Variants in MEP1A observed in about 807,000 individuals in gnomAD.
MEP1A encodes the protein meprin A subunit alpha, also known as N-benzoyl-L-tyrosyl-P-amino-benzoic acid hydrolase subunit alpha.
Under a neutral mutation model 84.5 loss-of-function variants are expected in MEP1A, and 68 were observed. The observed-to-expected ratio is 0.80, with a 90% CI of 0.66 to 0.98. MEP1A has a LOEUF of 0.98. MEP1A is among the 50% of genes least tolerant of loss of function. The pLI, the probability that MEP1A is intolerant of heterozygous loss-of-function variation, is 0.00. For synonymous variants in MEP1A, 337 were observed against 336.8 expected (o/e 1.00, Z -0.01); for missense variants, 887 against 919.9 (o/e 0.96, Z 0.46).
At chr6:46,824,997 T>A (rs1397566011) in intron 7 of MEP1A, among the ~76,000 whole-genome samples, 1 of 75,610 alleles carries the variant, frequency 1.3e-5, no homozygotes, top group Non-Finnish European at 3.3e-5. Context: ...TTTAAATAGA[T>A]CTATTTAAGT....
At chr6:46,835,847 G>A (rs1366007164) in intron 13 of MEP1A, among the ~76,000 whole-genome samples, 1 of 152,154 alleles carries the variant, frequency 6.6e-6, no homozygotes, top group Non-Finnish European at 1.5e-5. Flanking sequence ...CACCCAAGAT[G>A]GCTTCTAGCC....
downstream of MEP1A, among the ~76,000 whole-genome samples, chr6:46,841,919 C>T (rs1045606676): frequency 6.6e-6 from 1 of 152,166 alleles, no homozygotes; most frequent in Non-Finnish European, 1.5e-5. Flanking sequence ...ATGGAGGGAC[C>T]AGCTGGAGCC....
chr6:46,835,108 A>C, intron 12 of MEP1A, 141 bp from the exon 13 acceptor site: 1 of 717,552 alleles, frequency 1.4e-6, no homozygotes. Flanking sequence ...TGTGGGAATC[A>C]GCTGGATTCA....
At chr6:46,802,190 A>G (rs1767210038) in intron 5 of MEP1A, among the ~76,000 whole-genome samples, 1 of 151,928 alleles carries the variant, frequency 6.6e-6, no homozygotes, top group Non-Finnish European at 1.5e-5. Flanking sequence ...TCTTAAAAAT[A>G]TTGAGTCCTA....
intron 7 of MEP1A, among the ~76,000 whole-genome samples, chr6:46,820,676 C>T (rs1209934233): frequency 6.6e-6 from 1 of 152,132 alleles, no homozygotes; most frequent in East Asian, 1.9e-4. Flanking sequence ...GCATGAGCCA[C>T]CACCGTGTCC....
intron 5 of MEP1A, among the ~76,000 whole-genome samples, chr6:46,800,738 G>C (rs1767182003): frequency 6.6e-6 from 1 of 152,048 alleles, no homozygotes; most frequent in African/African-American, 2.4e-5. Context: ...TAAGGCTTTT[G>C]ACAAACACAT....
chr6:46,825,151 T>TA, intron 7 of MEP1A, 121 bp from the exon 8 acceptor site: 1 of 264,798 alleles, frequency 3.8e-6, no homozygotes, highest in Non-Finnish European at 7.0e-6. Context: ...TAAATCTATT[T>TA]AATATATATA....
intron 10 of MEP1A, among the ~76,000 whole-genome samples, chr6:46,829,921 G>A (rs543279783): frequency 3.0e-4 from 45 of 152,218 alleles, no homozygotes; most frequent in Non-Finnish European, 5.3e-4. Context: ...AGATAAGAAG[G>A]TAAAAGACCT....
chr6:46,819,941 C>T (rs1349253317), intron 7 of MEP1A, among the ~76,000 whole-genome samples: 3 of 152,144 alleles, frequency 2.0e-5, no homozygotes, highest in South Asian at 4.2e-4. Context: ...GAAAGTTAAC[C>T]AGAAGCTTTG....
chr6:46,845,229 C>A, the MEP1A span, among the ~76,000 whole-genome samples: 1 of 152,192 alleles, frequency 6.6e-6, no homozygotes, highest in Non-Finnish European at 1.5e-5. Context: ...TGCATGTGAT[C>A]TTCTGGGAAC....
At chr6:46,795,447 C>A (rs1337769984) in intron 3 of MEP1A, among the ~76,000 whole-genome samples, 1 of 151,970 alleles carries the variant, frequency 6.6e-6, no homozygotes, top group African/African-American at 2.4e-5. Flanking sequence ...ATTATAGGTG[C>A]CCACCACCAT....
chr6:46,813,238 C>G (rs1245092936), intron 6 of MEP1A, among the ~76,000 whole-genome samples: 1 of 152,018 alleles, frequency 6.6e-6, no homozygotes, highest in African/African-American at 2.4e-5. Context: ...GCCTCAAAAC[C>G]ATGCAAATAC....
Position 46,825,556 on chromosome 6 carries a change from G to C in MEP1A, c.778+63G>C, listed in dbSNP as rs1767922436. Reference sequence around the variant, plus strand: ...CTCAGCAGAGATTCCATCAGCCTTAGAGATTTCCTTTACATTTTCCTTTAC... The same window carrying C: ...CTCAGCAGAGATTCCATCAGCCTTACAGATTTCCTTTACATTTTCCTTTAC... On this transcript the variant is annotated intron_variant, in intron 8 of 13. Coordinates refer to ENST00000230588, the MANE Select transcript of MEP1A (RefSeq NM_005588.3). 4.4e-6 allele frequency: 5 copies of C among 1,128,250 alleles called. No homozygotes were observed. In the South Asian group the frequency reaches 6.0e-5, roughly 14 times the overall value. The allele number at this position is 1,128,250 out of a possible 1,614,324, so 69.9% of individuals were successfully genotyped here. A position where few individuals can be genotyped will look rare whatever the true frequency, so the allele number is the denominator to read the frequency against.
chr6:46,796,821 A>G (rs1485804301), intron 3 of MEP1A, among the ~76,000 whole-genome samples: 1 of 152,208 alleles, frequency 6.6e-6, no homozygotes, highest in Non-Finnish European at 1.5e-5. Flanking sequence ...ATCCCATTAT[A>G]ATCCAGGCCA....
chr6:46,845,326 C>A, the MEP1A span, among the ~76,000 whole-genome samples: 14 of 152,170 alleles, frequency 9.2e-5, no homozygotes, highest in Non-Finnish European at 1.5e-4. Flanking sequence ...AGAGTGAGAG[C>A]TGCCAAATGG....
At chr6:46,799,242 G>A in intron 5 of MEP1A, 61 bp downstream of exon 5, 1 of 1,138,184 alleles carries the variant, frequency 8.8e-7, no homozygotes, top group African/African-American at 1.5e-5. Flanking sequence ...CTCTCAGCCT[G>A]TCCATGGGCT....
chr6:46,805,340 G>T (rs1767289116), intron 5 of MEP1A, among the ~76,000 whole-genome samples: 1 of 151,756 alleles, frequency 6.6e-6, no homozygotes, highest in African/African-American at 2.4e-5. Context: ...TAAAGTTTTA[G>T]CCATTCTGTT....
At chr6:46,797,903 CTTCCTTCCTTCCTTCCTTCCTTCCTTCT>C (rs1207631596) in intron 3 of MEP1A, among the ~76,000 whole-genome samples, 2 of 54,404 alleles carry the variant, frequency 3.7e-5, no homozygotes, top group African/African-American at 6.8e-5. Context: ...TCCTTCCTTC[CTTCCTTCCTTCCTTCCTTCCTTCCTTCT>C]TTCCTTCCTT....
intron 10 of MEP1A, among the ~76,000 whole-genome samples, chr6:46,830,270 A>G (rs1448195313): frequency 1.3e-5 from 2 of 151,128 alleles, no homozygotes; most frequent in Non-Finnish European, 3.0e-5. Flanking sequence ...AAAAAAAAAA[A>G]AAAAAAAAAA....
Sources: gnomAD v4.1 joint callset for allele counts (sites outside exome capture counted in the v4.1 genomes callset) on GRCh38, gnomAD v4.1.1 for gene constraint, MANE v1.5 for transcripts, NCBI Gene and HGNC (gene_info 2026-07-23, HGNC 2026-07-21) for gene names.